Variants in FPGS observed in about 807,000 individuals in gnomAD.
FPGS encodes the protein folylpolyglutamate synthase, mitochondrial.
Under a neutral mutation model 66.5 loss-of-function variants are expected in FPGS, and 53 were observed. The observed-to-expected ratio is 0.80, with a 90% CI of 0.64 to 1.00. FPGS has a LOEUF of 1.00. FPGS is among the 50% of genes least tolerant of loss of function. The pLI, the probability that FPGS is intolerant of heterozygous loss-of-function variation, is 0.00. For missense variants in FPGS, 702 were observed against 807.7 expected (o/e 0.87, Z 1.59); for synonymous variants, 348 against 350.9 (o/e 0.99, Z 0.09).
chr9:127,804,575 A>G (rs768280108), intron 3 of FPGS, 23 bp downstream of exon 3: 31 of 1,613,948 alleles, frequency 1.9e-5, no homozygotes, highest in South Asian at 7.7e-5. Context: ...ACCCTGGGGT[A>G]GGGGGTCTAT....
chr9:127,814,086 T>C, downstream of FPGS: 8 of 987,028 alleles, frequency 8.1e-6, no homozygotes, highest in Non-Finnish European at 9.6e-6. Flanking sequence ...GACTGACCCT[T>C]GACCCCCTGC....
chr9:127,808,581 G>A lies in FPGS; in HGVS notation c.846G>A (p.Met282Ile), dbSNP rs1410528057. The change falls in exon 10 of 15, where the codon ATG becomes ATA. Residue 282 changes from methionine to isoleucine, a missense_variant. By Grantham distance (10) the Met-to-Ile change is conservative. Transcript: ENST00000373247. ...QISCPLYLCP[M>I]LEALEEGGPP... ...AGTGTCCTCTATACCTGTGTCCGAT[G>A]CTGGAGGCCCTCGAGGAAGGGGGGC... The A allele has an allele frequency of 1.9e-6, 3 of 1,612,542 alleles. No homozygotes were observed. The Admixed American group carries it at 5.0e-5, about 27-fold the overall frequency.
At chr9:127,804,787 A>G in intron 4 of FPGS, 87 bp downstream of exon 4, 2 of 1,331,364 alleles carry the variant, frequency 1.5e-6, no homozygotes, top group Non-Finnish European at 2.2e-6. Context: ...GACCAGGGTC[A>G]CCCCCAGGAG....
In FPGS at chr9:127,813,572, C is replaced by T. The variant is rs966501716; in HGVS notation, c.1732C>T (p.Leu578=). 6.4e-7 allele frequency: 1 copy of T among 1,574,252 alleles called. No individual in the cohort carries two copies. Among genetic ancestry groups the T allele is most frequent in the Middle Eastern group, 1.7e-4 (1 of 5,868 alleles). ...TGSLHLVGGV[L]KLLEPALSQ ...CAGCCTGCACCTGGTGGGTGGTGTCCTGAAGCTGCTGGAGCCCGCACTGTC... is the reference window on the plus strand; with the variant it reads ...CAGCCTGCACCTGGTGGGTGGTGTCTTGAAGCTGCTGGAGCCCGCACTGTC... Residue 578 remains leucine (L), a synonymous_variant, in exon 15 of 15, where the codon CTG becomes TTG. Transcript: ENST00000373247.
At chr9:127,809,040 C>G (rs1441648697) in intron 11 of FPGS, 151 bp downstream of exon 11, 1 of 651,456 alleles carries the variant, frequency 1.5e-6, no homozygotes, top group Non-Finnish European at 2.7e-6. Flanking sequence ...CAGCAAACCT[C>G]CCTGACCTTG....
intron 14 of FPGS, among the ~76,000 whole-genome samples, chr9:127,811,617 C>T (rs10987745): frequency 0.17 from 26,330 of 152,110 alleles, 2,539 homozygotes; most frequent in South Asian, 0.28. Context: ...TCTGGAATAG[C>T]TGGGATTACA....
At chr9:127,808,944 AG>A in intron 11 of FPGS, 55 bp downstream of exon 11, 17 of 1,069,114 alleles carry the variant, frequency 1.6e-5, no homozygotes, top group Non-Finnish European at 2.1e-5. Flanking sequence ...GTGCCCCTTC[AG>A]ATTTTTTTTT....
At chr9:127,811,082 C>CCTCCAGTT in intron 14 of FPGS, 71 bp downstream of exon 14, 1 of 854,270 alleles carries the variant, frequency 1.2e-6, no homozygotes, top group Non-Finnish European at 1.9e-6. Context: ...GGCTTCCAAA[C>CCTCCAGTT]TGGAGGTTTG....
chr9:127,804,208 A>G, intron 1 of FPGS, 77 bp from the exon 2 acceptor site: 1 of 1,562,166 alleles, frequency 6.4e-7, no homozygotes, highest in Non-Finnish European at 8.7e-7. Context: ...TGGCTTGGCC[A>G]CTGGTCTGCT....
Position 127,803,033 on chromosome 9 carries a change from G to T in FPGS, c.109G>T (p.Val37Leu). The T allele has an allele frequency of 6.9e-7, 1 of 1,450,906 alleles. No individual in the cohort carries two copies. Among genetic ancestry groups the T allele is most frequent in the East Asian group, 3.0e-5 (1 of 33,766 alleles). 89.9% of individuals were successfully genotyped at this position (1,450,906 alleles called of 1,614,324 possible). ...GCGGCGGGGCTTGAGCGCGTGGCCG[G>T]TGCCGCAGGAGCCGAGCATGGAGTA... The part of the protein sequence containing the change: ...AARRGLSAWP[V>L]PQEPSMEYQD... Residue 37 changes from valine to leucine, a missense_variant, in exon 1 of 15, where the codon GTG becomes TTG. By Grantham distance (32) the Val-to-Leu change is conservative. Coordinates refer to ENST00000373247, the MANE Select transcript of FPGS (RefSeq NM_004957.6).
Position 127,807,534 on chromosome 9 carries a change from C to T in FPGS, c.641+52C>T. On this transcript the variant is annotated intron_variant, in intron 7 of 14. Coordinates refer to ENST00000373247, the MANE Select transcript of FPGS (RefSeq NM_004957.6). The surrounding 1 kb of genome is among the most constrained non-coding windows in gnomAD (Gnocchi z 5.8). Reference sequence around the variant, plus strand: ...GTGGCAGCCAGGAGCACAGCCTCACCTGCCGCCTGGTGGCTCAGGGCAGGG... The same window carrying T: ...GTGGCAGCCAGGAGCACAGCCTCACTTGCCGCCTGGTGGCTCAGGGCAGGG... The T allele has an allele frequency of 6.2e-7, 1 of 1,612,482 alleles. No homozygotes were observed.
At position 127,808,870 on chromosome 9, in the gene FPGS, C is replaced by G. The variant is rs1311570058; in HGVS notation, c.1041C>G (p.Pro347=). 6.4e-7 allele frequency: 1 copy of G among 1,563,952 alleles called. No individual in the cohort carries two copies. The highest frequency in any genetic ancestry group is 8.7e-7 in the Non-Finnish European group (1 of 1,154,628). ...TGCCCCTGGCACCTGTGTTCCAGCC[C>G]ACATCCCACATGCGGCTCGGTGAGT... ...WQLPLAPVFQ[P]TSHMRLGLRN... Residue 347 remains proline (P), a synonymous_variant, in exon 11 of 15, where the codon CCC becomes CCG. Transcript: ENST00000373247.
In FPGS at chr9:127,808,894, G is replaced by C; in HGVS notation, c.1060+5G>C. On this transcript the variant is annotated splice_donor_5th_base_variant and intron_variant, in intron 11 of 14. Transcript: ENST00000373247. ...CCACATCCCACATGCGGCTCGGTGA[G>C]TTAGACCTTCCTGCCCAGCTGGGAC... 5 of 1,553,808 alleles carry C rather than the reference G, an allele frequency of 3.2e-6. No individual in the cohort carries two copies. The highest frequency in any genetic ancestry group is 4.4e-6 in the Non-Finnish European group (5 of 1,148,254).
intron 13 of FPGS, 100 bp from the exon 14 acceptor site, chr9:127,810,845 G>C: frequency 1.6e-6 from 1 of 637,570 alleles, no homozygotes; most frequent in Non-Finnish European, 2.9e-6. Flanking sequence ...TAGTTGTCAG[G>C]GAGGCTGCAT....
At chr9:127,804,606 G>A in intron 3 of FPGS, 30 bp from the exon 4 acceptor site, 1 of 1,614,080 alleles carries the variant, frequency 6.2e-7, no homozygotes, top group Non-Finnish European at 8.5e-7. Context: ...GTGGAGTAGA[G>A]CCTGCCCAGA....
Position 127,807,595 on chromosome 9 carries a change from G to GGT in FPGS, c.655_656dup (p.Gly220AlafsTer48). On this transcript the variant is annotated frameshift_variant, in exon 8 of 15. Coordinates refer to ENST00000373247, the MANE Select transcript of FPGS (RefSeq NM_004957.6). LOFTEE classifies it high-confidence loss of function. The surrounding 1 kb of genome is among the most constrained non-coding windows in gnomAD (Gnocchi z 5.8). Reference sequence around the variant, plus strand: ...TTTTCCTCCCCTGCAGGAAGCCTGTGGTGTGCGGAGTCTCCTCTCTTGGCA... The same window carrying GGT: ...TTTTCCTCCCCTGCAGGAAGCCTGTGGTGTGTGCGGAGTCTCCTCTCTTGGCA... 1 of 1,613,310 alleles carries GGT rather than the reference G, an allele frequency of 6.2e-7. No homozygotes were observed. Among genetic ancestry groups the GGT allele is most frequent in the Non-Finnish European group, 8.5e-7 (1 of 1,179,680 alleles).
Position 127,804,669 on chromosome 9 carries a change from C to A in FPGS, c.355C>A (p.Arg119=), listed in dbSNP as rs200083705. 2 of 1,614,022 alleles carry A rather than the reference C, an allele frequency of 1.2e-6. No individual in the cohort carries two copies. Among genetic ancestry groups the A allele is most frequent in the East Asian group, 4.5e-5 (2 of 44,880 alleles). Residue 119 remains arginine (R), a synonymous_variant, in exon 4 of 15, where the codon CGA becomes AGA. Transcript: ENST00000373247. ...CTGTGCCTTCACGGAATGTATCCTC[C>A]GAAGCTATGGCCTGAAGACGGGATT... ...STCAFTECIL[R]SYGLKTGFFS...
rs1363725212 is a variant in FPGS, at chr9:127,808,225, C to T, written c.745-9C>T. The T allele has an allele frequency of 6.2e-7, 1 of 1,612,322 alleles. No individual in the cohort carries two copies. The highest frequency in any genetic ancestry group is 1.3e-5 in the African/African-American group (1 of 74,870). ...GGTAGCCCTTTCTCTCTCCTTCTTCCCTCCACAGCAAGGTGTCCCTGCCTT... is the reference window on the plus strand; with the variant it reads ...GGTAGCCCTTTCTCTCTCCTTCTTCTCTCCACAGCAAGGTGTCCCTGCCTT... On this transcript the variant is annotated splice_polypyrimidine_tract_variant and intron_variant, in intron 8 of 14. Coordinates refer to ENST00000373247, the MANE Select transcript of FPGS (RefSeq NM_004957.6).
At chr9:127,803,218 G>A (rs1309056034) in intron 1 of FPGS, 156 bp downstream of exon 1, 2 of 1,230,348 alleles carry the variant, frequency 1.6e-6, no homozygotes, top group Non-Finnish European at 2.0e-6. Context: ...TGGGGGTGGG[G>A]ACAGGGACCA....
Sources: gnomAD v4.1 joint callset for allele counts (sites outside exome capture counted in the v4.1 genomes callset) on GRCh38, gnomAD v4.1.1 for gene constraint, Gnocchi (gnomAD v3.1) non-coding constraint, MANE v1.5 for transcripts, NCBI Gene and HGNC (gene_info 2026-07-23, HGNC 2026-07-21) for gene names.